The following HIBADH variants were observed in gnomAD, a reference collection of about 807,000 sequenced individuals.
The protein encoded by HIBADH is 3-hydroxyisobutyrate dehydrogenase.
Under a neutral mutation model 36.1 loss-of-function variants are expected in HIBADH, and 25 were observed. That is an observed-to-expected ratio of 0.69 (90% confidence interval 0.50 to 0.97). The LOEUF is 0.97. Ranked by LOEUF, HIBADH falls within the 50% of genes least tolerant of loss-of-function variation. The pLI is 0.00. For missense variants in HIBADH, 421 were observed against 418.0 expected, an observed-to-expected ratio of 1.01 and a Z score of -0.06; for synonymous variants, 160 against 149.5, an observed-to-expected ratio of 1.07 and a Z score of -0.51.
At chr7:27,554,436 T>C (rs185839013) in intron 4 of HIBADH, among the ~76,000 whole-genome samples, 44 of 152,344 alleles carry the variant, frequency 2.9e-4, no homozygotes, top group African/African-American at 9.9e-4. Context: ...TTCACATGCA[T>C]CCTTTCATTC....
intron 4 of HIBADH, among the ~76,000 whole-genome samples, chr7:27,568,237 A>C (rs1784577438): frequency 6.6e-6 from 1 of 151,960 alleles, no homozygotes; most frequent in Non-Finnish European, 1.5e-5. Context: ...ACTGGAGATA[A>C]TTTTTCTGAG....
intron 4 of HIBADH, among the ~76,000 whole-genome samples, chr7:27,559,072 T>C (rs1287778631): frequency 6.6e-6 from 1 of 152,170 alleles, no homozygotes; most frequent in African/African-American, 2.4e-5. Flanking sequence ...GTTTCAGGAT[T>C]TTCTCTTTGG....
intron 4 of HIBADH, among the ~76,000 whole-genome samples, chr7:27,616,264 A>G (rs532983823): frequency 1.3e-5 from 2 of 152,262 alleles, no homozygotes; most frequent in Middle Eastern, 3.4e-3. Flanking sequence ...GAATAGCATT[A>G]ATCTATTCAC....
At chr7:27,574,252 A>C (rs1472493863) in intron 4 of HIBADH, among the ~76,000 whole-genome samples, 1 of 151,972 alleles carries the variant, frequency 6.6e-6, no homozygotes, top group Non-Finnish European at 1.5e-5. Flanking sequence ...CCCAGAGAAA[A>C]TTTCAGATCC....
intron 2 of HIBADH, among the ~76,000 whole-genome samples, chr7:27,640,301 T>C (rs1248116179): frequency 2.0e-5 from 3 of 152,146 alleles, no homozygotes; most frequent in African/African-American, 7.2e-5. Flanking sequence ...GAGGCCAAGG[T>C]GGGCTGATCA....
intron 7 of HIBADH, 95 bp from the exon 8 acceptor site, chr7:27,526,467 T>G (rs975503484): frequency 2.1e-6 from 2 of 966,648 alleles, no homozygotes; most frequent in Non-Finnish European, 2.9e-6. Context: ...GAAGGAAAAA[T>G]GTAATCTGAA....
chr7:27,616,796 G>T (rs1314614137), intron 4 of HIBADH, among the ~76,000 whole-genome samples: 5 of 54,652 alleles, frequency 9.1e-5, no homozygotes, highest in African/African-American at 5.6e-4. Flanking sequence ...GAGTTAAAAG[G>T]TAAAAAAAAA....
intron 4 of HIBADH, among the ~76,000 whole-genome samples, chr7:27,628,104 C>T (rs185830189): frequency 9.2e-5 from 14 of 152,186 alleles, no homozygotes; most frequent in Admixed American, 6.5e-5. Flanking sequence ...CCAATAAAAA[C>T]CACATTAACG....
At chr7:27,652,077 G>C (rs1041547065) in intron 1 of HIBADH, among the ~76,000 whole-genome samples, 31 of 152,150 alleles carry the variant, frequency 2.0e-4, no homozygotes, top group African/African-American at 7.5e-4. Flanking sequence ...CAGACACTAT[G>C]CTAAGCACTT....
At chr7:27,633,436 T>C (rs1210769081) in intron 2 of HIBADH, among the ~76,000 whole-genome samples, 4 of 152,104 alleles carry the variant, frequency 2.6e-5, no homozygotes, top group South Asian at 2.1e-4. Context: ...AGCAGAAGGA[T>C]TGCCTGAACC....
intron 4 of HIBADH, among the ~76,000 whole-genome samples, chr7:27,620,005 A>G (rs1425647774): frequency 6.6e-6 from 1 of 152,200 alleles, no homozygotes; most frequent in Non-Finnish European, 1.5e-5. Flanking sequence ...CTTCTTCACT[A>G]CACATTTTAA....
intron 6 of HIBADH, among the ~76,000 whole-genome samples, chr7:27,535,256 T>C (rs1784057116): frequency 6.6e-6 from 1 of 151,944 alleles, no homozygotes; most frequent in African/African-American, 2.4e-5. Flanking sequence ...TTTTGGCCAT[T>C]TACAAATTAC....
intron 4 of HIBADH, among the ~76,000 whole-genome samples, chr7:27,574,093 A>G (rs1235975682): frequency 1.3e-5 from 2 of 152,212 alleles, no homozygotes; most frequent in East Asian, 3.8e-4. Flanking sequence ...CTGAAATGAA[A>G]AAGTTTGACT....
rs1221893560 is a variant in HIBADH at position 27,587,281 on chromosome 7, C to G, written c.484+42090G>C. On this transcript the variant is annotated intron_variant, in intron 4 of 7. Coordinates refer to ENST00000265395, the MANE Select transcript of HIBADH (RefSeq NM_152740.4). ...GTGGGCTACTGTTCTCCACAAAGAGCTGAGAGGAAAATTAATTGCAAAAGA... is the reference window on the plus strand; with the variant it reads ...GTGGGCTACTGTTCTCCACAAAGAGGTGAGAGGAAAATTAATTGCAAAAGA... Among the ~76,000 whole-genome samples the G allele has an allele frequency of 2.0e-5, 3 of 152,256 alleles. No homozygotes were observed. In the East Asian group the frequency reaches 5.8e-4, roughly 29 times the overall value.
chr7:27,655,628 A>G (rs1254796194), intron 1 of HIBADH, among the ~76,000 whole-genome samples: 1 of 152,218 alleles, frequency 6.6e-6, no homozygotes, highest in Non-Finnish European at 1.5e-5. Flanking sequence ...ACTCTAACAC[A>G]TGACAAAAAT....
chr7:27,554,036 A>C (rs1416042673), intron 4 of HIBADH, among the ~76,000 whole-genome samples: 2 of 152,116 alleles, frequency 1.3e-5, no homozygotes, highest in African/African-American at 4.8e-5. Flanking sequence ...CCTAGGCTGG[A>C]GTACAGTGGT....
chr7:27,643,676 G>T (rs551852387), intron 2 of HIBADH, among the ~76,000 whole-genome samples: 1 of 152,160 alleles, frequency 6.6e-6, no homozygotes, highest in Non-Finnish European at 1.5e-5. Flanking sequence ...CACAAGCACC[G>T]TCGCTTAAAA....
At chr7:27,590,149 CA>C (rs1257830212) in intron 4 of HIBADH, among the ~76,000 whole-genome samples, 1 of 152,082 alleles carries the variant, frequency 6.6e-6, no homozygotes, top group African/African-American at 2.4e-5. Context: ...ATGCCCACTC[CA>C]AGAGATTCAA....
intron 2 of HIBADH, among the ~76,000 whole-genome samples, chr7:27,642,573 T>G (rs1322691329): frequency 1.3e-5 from 2 of 151,964 alleles, no homozygotes; most frequent in Non-Finnish European, 2.9e-5. Flanking sequence ...TTGAGGAAAC[T>G]GCTCCTTTGT....
Sources: gnomAD v4.1 joint callset for allele counts (sites outside exome capture counted in the v4.1 genomes callset) on GRCh38, gnomAD v4.1.1 for gene constraint, MANE v1.5 for transcripts, NCBI Gene and HGNC (gene_info 2026-07-23, HGNC 2026-07-21) for gene names.